The following ADGRL3 variants were observed in gnomAD, a reference collection of about 807,000 sequenced individuals.
The protein encoded by ADGRL3 is calcium-independent alpha-latrotoxin receptor 3.
Under a neutral mutation model 153.5 loss-of-function variants are expected in ADGRL3, and 62 were observed. The ratio of observed to expected loss-of-function variants is 0.40; its 90% CI spans 0.33 to 0.50. The LOEUF is 0.50. Ranked by LOEUF, ADGRL3 falls within the 20% of genes least tolerant of loss-of-function variation. ADGRL3 has a pLI of 0.47. For missense variants in ADGRL3, 1,641 were observed against 1,859.4 expected, an observed-to-expected ratio of 0.88 and a Z score of 2.16; for synonymous variants, 710 against 672.5, an observed-to-expected ratio of 1.06 and a Z score of -0.86.
intron 17 of ADGRL3, among the ~76,000 whole-genome samples, chr4:61,968,390 A>G (rs1169640025): frequency 1.3e-5 from 2 of 152,156 alleles, no homozygotes; most frequent in Non-Finnish European, 2.9e-5. Flanking sequence ...AGAACATTGA[A>G]CAGTTTTAGA....
intron 2 of ADGRL3, among the ~76,000 whole-genome samples, chr4:61,396,903 G>C (rs2096874408): frequency 6.6e-6 from 1 of 151,178 alleles, no homozygotes; most frequent in East Asian, 1.9e-4. Flanking sequence ...TATGAAACAT[G>C]CTTTCATGTA....
intron 5 of ADGRL3, among the ~76,000 whole-genome samples, chr4:61,665,777 G>A (rs945951387): frequency 1.3e-5 from 2 of 152,202 alleles, no homozygotes; most frequent in Non-Finnish European, 2.9e-5. Flanking sequence ...AATTGAAGCA[G>A]TAGGATACAG....
intron 5 of ADGRL3, among the ~76,000 whole-genome samples, chr4:61,591,616 A>G (rs776038569): frequency 6.6e-6 from 1 of 152,170 alleles, no homozygotes; most frequent in African/African-American, 2.4e-5. Context: ...ATCAAACATC[A>G]TGAATCTAGA....
chr4:61,916,284 T>C, intron 13 of ADGRL3, among the ~76,000 whole-genome samples: 1 of 152,220 alleles, frequency 6.6e-6, no homozygotes, highest in South Asian at 2.1e-4. Flanking sequence ...ATTGTAATTT[T>C]AGATTTGTGT....
chr4:61,700,996 G>C (rs774513724), intron 6 of ADGRL3, among the ~76,000 whole-genome samples: 1 of 152,124 alleles, frequency 6.6e-6, no homozygotes, highest in African/African-American at 2.4e-5. Flanking sequence ...CTTCAGAGTC[G>C]TTACACAGAG....
chr4:61,750,402 T>G (rs1313855316), intron 8 of ADGRL3, among the ~76,000 whole-genome samples: 1 of 152,176 alleles, frequency 6.6e-6, no homozygotes, highest in African/African-American at 2.4e-5. Context: ...TCTGCCTGAC[T>G]TTCTGCTTTG....
At chr4:61,457,526 G>A (rs982933970) in intron 2 of ADGRL3, among the ~76,000 whole-genome samples, 1 of 151,834 alleles carries the variant, frequency 6.6e-6, no homozygotes, top group Non-Finnish European at 1.5e-5. Flanking sequence ...GAAATCCTCT[G>A]TTAAAATGCA....
At chr4:61,669,381 G>A (rs963250498) in intron 5 of ADGRL3, among the ~76,000 whole-genome samples, 4 of 152,048 alleles carry the variant, frequency 2.6e-5, no homozygotes. Flanking sequence ...GTCTTGAGGA[G>A]GAAAATAGAG....
At chr4:61,317,626 T>A (rs2095253748) in intron 1 of ADGRL3, among the ~76,000 whole-genome samples, 1 of 151,964 alleles carries the variant, frequency 6.6e-6, no homozygotes, top group Non-Finnish European at 1.5e-5. Flanking sequence ...GGAGAATGAG[T>A]TGTGAAATGT....
In ADGRL3 at chr4:61,534,082, T is replaced by C. The variant is rs534403402; in HGVS notation, c.259+16564T>C. 5.9e-5 allele frequency among the ~76,000 whole-genome samples: 9 copies of C among 152,184 alleles called. No homozygotes were observed. In the South Asian group the frequency reaches 1.2e-3, roughly 21 times the overall value. On this transcript the variant is annotated intron_variant, in intron 4 of 26. Transcript: ENST00000683033. Reference sequence around the variant, plus strand: ...CTCCTAGGGTTTTTGTTGTTTCAGGTTTTGCATTTAAGTCATTTTTATCCA... The same window carrying C: ...CTCCTAGGGTTTTTGTTGTTTCAGGCTTTGCATTTAAGTCATTTTTATCCA...
chr4:61,722,327 G>A (rs765169123), intron 6 of ADGRL3, among the ~76,000 whole-genome samples: 19 of 152,010 alleles, frequency 1.2e-4, no homozygotes, highest in Admixed American at 1.1e-3. Context: ...ATCTTGGAAC[G>A]GTAAGTTTCT....
chr4:61,810,446 A>G (rs1204827508), intron 8 of ADGRL3, among the ~76,000 whole-genome samples: 1 of 152,146 alleles, frequency 6.6e-6, no homozygotes, highest in East Asian at 1.9e-4. Context: ...TCCTAGTTCC[A>G]TGGTTCTATA....
chr4:61,414,812 T>C (rs997973361), intron 2 of ADGRL3, among the ~76,000 whole-genome samples: 1 of 152,014 alleles, frequency 6.6e-6, no homozygotes, highest in African/African-American at 2.4e-5. Context: ...ATTTAGTGTC[T>C]TGTAAAGGAC....
At chr4:62,034,766 T>G (rs1034997254) in intron 23 of ADGRL3, among the ~76,000 whole-genome samples, 3 of 151,048 alleles carry the variant, frequency 2.0e-5, no homozygotes, top group Non-Finnish European at 4.5e-5. Context: ...TATCTCAGTC[T>G]TTTTCTGAGT....
chr4:61,704,584 T>C (rs2095824296), intron 6 of ADGRL3, among the ~76,000 whole-genome samples: 1 of 152,166 alleles, frequency 6.6e-6, no homozygotes, highest in South Asian at 2.1e-4. Context: ...GGAATGACTG[T>C]GGTAATTTCT....
intron 5 of ADGRL3, among the ~76,000 whole-genome samples, chr4:61,616,525 A>G (rs2092021878): frequency 6.6e-6 from 1 of 152,162 alleles, no homozygotes; most frequent in Non-Finnish European, 1.5e-5. Context: ...TCCTTCTCAA[A>G]CAGCTTGATT....
intron 1 of ADGRL3, among the ~76,000 whole-genome samples, chr4:61,225,056 A>G (rs968026512): frequency 7.9e-5 from 12 of 152,232 alleles, no homozygotes; most frequent in East Asian, 5.8e-4. Flanking sequence ...TCACTTCTAA[A>G]CCAGGATCTG....
chr4:61,310,938 A>G (rs928757855), intron 1 of ADGRL3, among the ~76,000 whole-genome samples: 1 of 152,006 alleles, frequency 6.6e-6, no homozygotes, highest in African/African-American at 2.4e-5. Context: ...GTAGTTTCAG[A>G]TGATTAGTTA....
chr4:61,637,329 C>T lies in ADGRL3; in HGVS notation c.474-39497C>T, dbSNP rs145072665. Among the ~76,000 whole-genome samples, 840 of 152,230 alleles carry T rather than the reference C, an allele frequency of 5.5e-3. 6 individuals carry two copies. Among genetic ancestry groups the T allele is most frequent in the African/African-American group, 0.019 (797 of 41,536 alleles). ...TGAAAATGAAAGCGGAGACCGGGCT[C>T]ATGCAGCAGAAGCCAAGCAATGCCA... On this transcript the variant is annotated intron_variant, in intron 5 of 26. Transcript: ENST00000683033.
Sources: gnomAD v4.1 joint callset for allele counts (sites outside exome capture counted in the v4.1 genomes callset) on GRCh38, gnomAD v4.1.1 for gene constraint, MANE v1.5 for transcripts, NCBI Gene and HGNC (gene_info 2026-07-23, HGNC 2026-07-21) for gene names.